MACROD2: variants seen among roughly 807,000 people sequenced by gnomAD.
MACROD2 encodes the protein ADP-ribose glycohydrolase MACROD2.
A neutral mutation model predicts 70.4 loss-of-function variants in MACROD2; 36 were observed. That is an observed-to-expected ratio of 0.51 (90% confidence interval 0.39 to 0.68). The LOEUF (loss-of-function observed/expected upper bound fraction) is 0.68, where lower values mean the gene tolerates loss of function less well. MACROD2 is among the 30% of genes least tolerant of loss of function. The pLI is 0.00. For missense variants in MACROD2, 496 were observed against 538.4 expected, an observed-to-expected ratio of 0.92 and a Z score of 0.78; for synonymous variants, 172 against 178.8, an observed-to-expected ratio of 0.96 and a Z score of 0.30.
chr20:14,303,907 T>C (rs1219447398), intron 3 of MACROD2, among the ~76,000 whole-genome samples: 1 of 152,154 alleles, frequency 6.6e-6, no homozygotes, highest in East Asian at 1.9e-4. Context: ...TCTTCTATGA[T>C]TCTTTTGTGT....
chr20:14,258,812 A>G (rs1347940822), intron 3 of MACROD2, among the ~76,000 whole-genome samples: 1 of 152,092 alleles, frequency 6.6e-6, no homozygotes, highest in Non-Finnish European at 1.5e-5. Flanking sequence ...AGTTTTACCT[A>G]TGTTATCTTC....
chr20:15,697,465 T>C (rs565538920), intron 8 of MACROD2, among the ~76,000 whole-genome samples: 1 of 152,340 alleles, frequency 6.6e-6, no homozygotes, highest in South Asian at 2.1e-4. Flanking sequence ...GCCCCTTTTA[T>C]GTCCTATCTA....
intron 10 of MACROD2, among the ~76,000 whole-genome samples, chr20:15,932,207 C>T (rs2147316822): frequency 6.6e-6 from 1 of 152,264 alleles, no homozygotes; most frequent in African/African-American, 2.4e-5. Context: ...CACATCTTTT[C>T]TCCCTCTCTC....
intron 5 of MACROD2, among the ~76,000 whole-genome samples, chr20:14,975,952 C>T (rs973290466): frequency 2.6e-5 from 4 of 152,112 alleles, no homozygotes; most frequent in Non-Finnish European, 4.4e-5. Context: ...CGGCTTTCAA[C>T]GGAATTAACA....
chr20:15,513,152 C>A (rs773371289), intron 8 of MACROD2, among the ~76,000 whole-genome samples: 3 of 152,204 alleles, frequency 2.0e-5, no homozygotes, highest in Non-Finnish European at 4.4e-5. Flanking sequence ...TAGATGTCTA[C>A]AGAGGATTTC....
chr20:16,038,059 C>A (rs2067258193), intron 15 of MACROD2, among the ~76,000 whole-genome samples: 1 of 150,756 alleles, frequency 6.6e-6, no homozygotes, highest in Admixed American at 6.6e-5. Flanking sequence ...TTTTTTTTAA[C>A]ACTTCAAAGA....
chr20:14,277,996 A>G (rs1273003176), intron 3 of MACROD2, among the ~76,000 whole-genome samples: 2 of 152,226 alleles, frequency 1.3e-5, no homozygotes, highest in East Asian at 3.8e-4. Context: ...AAGAATCTGG[A>G]TACTTAGTTT....
intron 6 of MACROD2, among the ~76,000 whole-genome samples, chr20:15,400,790 A>G (rs2045918193): frequency 1.3e-5 from 2 of 152,192 alleles, no homozygotes; most frequent in South Asian, 4.1e-4. Flanking sequence ...CTATCAAACC[A>G]TGAGAGCTTT....
chr20:15,748,983 G>T (rs1465522093), intron 8 of MACROD2, among the ~76,000 whole-genome samples: 4 of 151,996 alleles, frequency 2.6e-5, no homozygotes, highest in Non-Finnish European at 5.9e-5. Flanking sequence ...AAGGAATATA[G>T]AATTAGTGAC....
intron 5 of MACROD2, among the ~76,000 whole-genome samples, chr20:14,910,098 A>G (rs776734811): frequency 1.8e-4 from 27 of 152,330 alleles, no homozygotes; most frequent in Admixed American, 5.2e-4. Context: ...TCTTTTGAGA[A>G]TGTTTGAACT....
intron 8 of MACROD2, among the ~76,000 whole-genome samples, chr20:15,618,704 C>G (rs1194857049): frequency 1.3e-5 from 2 of 152,234 alleles, no homozygotes; most frequent in African/African-American, 4.8e-5. Context: ...CTCCTGACCC[C>G]TGGCTGCAAA....
intron 5 of MACROD2, among the ~76,000 whole-genome samples, chr20:14,769,213 T>G (rs2072132936): frequency 6.6e-6 from 1 of 152,132 alleles, no homozygotes; most frequent in Non-Finnish European, 1.5e-5. Context: ...CATTAAATAT[T>G]AAATTAAATT....
intron 3 of MACROD2, among the ~76,000 whole-genome samples, chr20:14,298,721 C>A (rs891175410): frequency 6.6e-6 from 1 of 151,818 alleles, no homozygotes; most frequent in African/African-American, 2.4e-5. Context: ...GGGAGGAGGT[C>A]TGAGTATCAA....
intron 3 of MACROD2, among the ~76,000 whole-genome samples, chr20:14,477,026 C>T (rs1283862052): frequency 6.6e-6 from 1 of 152,096 alleles, no homozygotes; most frequent in African/African-American, 2.4e-5. Context: ...GTATTGACTA[C>T]TAGGCAGTGA....
chr20:14,666,808 G>A (rs760714111), intron 4 of MACROD2, among the ~76,000 whole-genome samples: 12 of 151,844 alleles, frequency 7.9e-5, no homozygotes, highest in African/African-American at 1.2e-4. Flanking sequence ...GTGGAAGCAG[G>A]ATTGCTCTTG....
At chr20:15,032,374 G>A (rs1039906434) in intron 5 of MACROD2, among the ~76,000 whole-genome samples, 4 of 152,210 alleles carry the variant, frequency 2.6e-5, no homozygotes, top group African/African-American at 9.6e-5. Context: ...CTCTGCACCT[G>A]GCGTCGTCTT....
At chr20:14,839,968 G>A (rs1209864698) in intron 5 of MACROD2, among the ~76,000 whole-genome samples, 1 of 151,760 alleles carries the variant, frequency 6.6e-6, no homozygotes, top group Non-Finnish European at 1.5e-5. Context: ...TTGTTCTCAG[G>A]GATGTTTGTT....
chr20:14,808,051 C>T (rs752541572), intron 5 of MACROD2, among the ~76,000 whole-genome samples: 11 of 151,992 alleles, frequency 7.2e-5, no homozygotes, highest in South Asian at 2.1e-4. Flanking sequence ...CTTCCCCAAC[C>T]GAGCAAGACA....
At chr20:15,379,459 T>G (rs759432369) in intron 6 of MACROD2, among the ~76,000 whole-genome samples, 7 of 151,942 alleles carry the variant, frequency 4.6e-5, no homozygotes, top group Non-Finnish European at 8.8e-5. Context: ...AAATCCAGGG[T>G]TTGTTTTTTT....
Sources: allele counts gnomAD v4.1 joint callset (sites outside exome capture counted in the v4.1 genomes callset), GRCh38; gene constraint gnomAD v4.1.1; transcripts MANE v1.5; gene names NCBI Gene and HGNC (gene_info 2026-07-23, HGNC 2026-07-21).